SEMA4G: variants seen among roughly 807,000 people sequenced by gnomAD.
SEMA4G encodes semaphorin 4G.
Under a neutral mutation model 81.2 loss-of-function variants are expected in SEMA4G, and 59 were observed. The ratio of observed to expected loss-of-function variants is 0.73; its 90% CI spans 0.59 to 0.90. SEMA4G has a LOEUF of 0.90. Among genes scored for constraint, SEMA4G ranks in the 40% least tolerant of loss-of-function variants. SEMA4G has a pLI of 0.00. For missense variants in SEMA4G, 952 were observed against 1,102.3 expected, an observed-to-expected ratio of 0.86 and a Z score of 1.93; for synonymous variants, 404 against 433.9, an observed-to-expected ratio of 0.93 and a Z score of 0.86.
chr10:100,977,540 G>A, intron 3 of SEMA4G, 92 bp from the exon 5 acceptor site: 1 of 937,920 alleles, frequency 1.1e-6, no homozygotes, highest in Middle Eastern at 2.2e-4. Context: ...TGTCCTGTGG[G>A]TGGGGGCAAG....
Position 100,980,811 on chromosome 10 carries a change from C to T in SEMA4G, c.1468-11C>T. ...GGACGCTGCCGACCAACTGTCCTATCTGGCTCCCAGCACAGCCTCTATGTG... is the reference window on the plus strand; with the variant it reads ...GGACGCTGCCGACCAACTGTCCTATTTGGCTCCCAGCACAGCCTCTATGTG... On this transcript the variant is annotated splice_polypyrimidine_tract_variant and intron_variant, in intron 11 of 13. Transcript: ENST00000370250. 1 of 1,565,176 alleles carries T rather than the reference C, an allele frequency of 6.4e-7. No individual in the cohort carries two copies. Among genetic ancestry groups the T allele is most frequent in the African/African-American group, 1.4e-5 (1 of 72,874 alleles).
rs376301016 is a variant in SEMA4G, at chr10:100,979,196, G to A, written c.908G>A (p.Arg303His). The A allele has an allele frequency of 3.8e-5, 62 of 1,614,060 alleles. No homozygotes were observed. Among genetic ancestry groups the A allele is most frequent in the Middle Eastern group, 3.3e-4 (2 of 6,084 alleles). Residue 303 changes from arginine (R) to histidine (H), a missense_variant, in exon 8 of 14, where the codon CGT becomes CAT. Arg to His is a conservative substitution (Grantham distance 29). Transcript: ENST00000370250. ...CACATTCCACTGTATGAGACACTGC[G>A]TGGGGTCTGCAGCCTGGATGCTGAA...
At chr10:100,984,221 A>G in exon 14 of SEMA4G, 1 of 1,495,290 alleles carries the variant, frequency 6.7e-7, no homozygotes, top group Non-Finnish European at 8.9e-7. Flanking sequence ...CCCTCCCTTC[A>G]TTACCCCCAC....
chr10:100,976,030 G>A (rs1000038219), intron 3 of SEMA4G, among the ~76,000 whole-genome samples: 5 of 152,184 alleles, frequency 3.3e-5, no homozygotes, highest in African/African-American at 1.2e-4. Context: ...GAGGAGGCTG[G>A]GGGCATCATT....
exon 7 of SEMA4G, chr10:100,979,007 C>T (rs888912092): frequency 5.6e-6 from 9 of 1,613,932 alleles, no homozygotes; most frequent in South Asian, 1.1e-5. Context: ...CCGTGTGGCT[C>T]GTGTCTGCAA....
chr10:100,969,514 C>T (rs1850567967), upstream of SEMA4G: 1 of 150,844 alleles, frequency 6.6e-6, no homozygotes, highest in East Asian at 2.1e-4. Flanking sequence ...AGCCGCGGCC[C>T]CTTCCTCTCG....
chr10:100,975,891 C>G (rs1377247210), intron 3 of SEMA4G, among the ~76,000 whole-genome samples: 3 of 151,926 alleles, frequency 2.0e-5, no homozygotes, highest in Non-Finnish European at 4.4e-5. Context: ...GAGCAAGACT[C>G]CGTCTCAAAA....
At chr10:100,980,625 A>G in exon 11 of SEMA4G, 2 of 1,614,246 alleles carry the variant, frequency 1.2e-6, no homozygotes, top group Non-Finnish European at 1.7e-6. Flanking sequence ...TGGGATGCAC[A>G]TTATTGAAGA....
intron 5 of SEMA4G, 36 bp from the exon 7 acceptor site, chr10:100,978,491 G>A (rs1424998440): frequency 6.2e-7 from 1 of 1,604,768 alleles, no homozygotes; most frequent in South Asian, 1.1e-5. Context: ...TGTTGAATAT[G>A]ACATGTCTCT....
chr10:100,984,788 G>A (rs1473643656), exon 14 of SEMA4G: 17 of 1,535,646 alleles, frequency 1.1e-5, no homozygotes, highest in Admixed American at 3.9e-5. Context: ...GCTTGGGAAC[G>A]GGCCAGCCTG....
intron 4 of SEMA4G, 21 bp from the exon 6 acceptor site, chr10:100,978,274 T>C (rs747169057): frequency 6.3e-7 from 1 of 1,590,776 alleles, no homozygotes; most frequent in South Asian, 1.1e-5. Flanking sequence ...AACCACTTAC[T>C]GCTGGTTCCT....
downstream of SEMA4G, chr10:100,985,294 C>A (rs956145941): frequency 3.4e-5 from 6 of 174,504 alleles, no homozygotes; most frequent in Admixed American, 5.7e-5. Flanking sequence ...CTCACCGGGG[C>A]ACTTTCAGGG....
exon 11 of SEMA4G, chr10:100,980,596 A>C: frequency 1.2e-6 from 2 of 1,614,122 alleles, no homozygotes; most frequent in Non-Finnish European, 1.7e-6. Context: ...TGGATCCACA[A>C]GGCCGTAGTC....
exon 14 of SEMA4G, chr10:100,983,958 G>A (rs1318914837): frequency 6.2e-7 from 1 of 1,611,090 alleles, no homozygotes; most frequent in East Asian, 2.2e-5. Context: ...CAATGGCTTG[G>A]TGGCACTGCC....
upstream of SEMA4G, among the ~76,000 whole-genome samples, chr10:100,970,297 C>A (rs747217251): frequency 3.2e-4 from 49 of 152,022 alleles, no homozygotes; most frequent in Non-Finnish European, 6.8e-4. Context: ...ATGCTCCGCC[C>A]CGCCCACTTA....
At chr10:100,970,721 T>G (rs1023294846), upstream of SEMA4G, among the ~76,000 whole-genome samples, 5 of 152,244 alleles carry the variant, frequency 3.3e-5, no homozygotes, top group Non-Finnish European at 7.3e-5. Context: ...TGTATGCATG[T>G]GTGCTTGTCT....
exon 10 of SEMA4G, chr10:100,980,278 C>G (rs752037569): frequency 2.5e-6 from 4 of 1,614,252 alleles, no homozygotes; most frequent in Non-Finnish European, 3.4e-6. Context: ...ACGCTACACA[C>G]ACCTTACAGG....
intron 9 of SEMA4G, 29 bp downstream of exon 10, chr10:100,980,021 G>C (rs1467997429): frequency 6.2e-7 from 1 of 1,613,836 alleles, no homozygotes; most frequent in Admixed American, 1.7e-5. Context: ...GGCCAGTGCT[G>C]AGTAGACAGA....
downstream of SEMA4G, chr10:100,984,896 G>C (rs960318556): frequency 6.1e-6 from 9 of 1,463,798 alleles, no homozygotes; most frequent in Middle Eastern, 5.3e-4. Flanking sequence ...GAGTATGAGA[G>C]ACAGAGCTCC....
Sources: gnomAD v4.1 joint callset for allele counts (sites outside exome capture counted in the v4.1 genomes callset) on GRCh38, gnomAD v4.1.1 for gene constraint, MANE v1.5 for transcripts, NCBI Gene and HGNC (gene_info 2026-07-23, HGNC 2026-07-21) for gene names.